ARL15: variants seen among roughly 807,000 people sequenced by gnomAD.
ARL15 encodes the protein ARF like GTPase 15.
A neutral mutation model predicts 25.2 loss-of-function variants in ARL15; 19 were observed. That is an observed-to-expected ratio of 0.75 (90% CI 0.53 to 1.10). The LOEUF (loss-of-function observed/expected upper bound fraction) is 1.10. ARL15 is among the 50% of genes least tolerant of loss of function. The pLI, the probability that ARL15 is intolerant of heterozygous loss-of-function variation, is 0.00. For synonymous variants in ARL15, 94 were observed against 86.8 expected (o/e 1.08, Z -0.46); for missense variants, 220 against 246.0 (o/e 0.89, Z 0.71).
At chr5:54,185,465 C>A (rs1362921459) in intron 1 of ARL15, among the ~76,000 whole-genome samples, 1 of 152,190 alleles carries the variant, frequency 6.6e-6, no homozygotes, top group Non-Finnish European at 1.5e-5. Flanking sequence ...CATCCATCTT[C>A]CCCCACTGGA....
At chr5:54,218,620 T>A (rs1419749607) in intron 1 of ARL15, among the ~76,000 whole-genome samples, 2 of 151,918 alleles carry the variant, frequency 1.3e-5, no homozygotes, top group Admixed American at 1.3e-4. Context: ...CCCCTTAGGG[T>A]TTAGTTGGTG....
chr5:54,018,090 A>G (rs190240807), intron 4 of ARL15, among the ~76,000 whole-genome samples: 5 of 152,320 alleles, frequency 3.3e-5, no homozygotes, highest in East Asian at 1.9e-4. Flanking sequence ...CATGTTCATC[A>G]TAGTTTTTAA....
intron 1 of ARL15, among the ~76,000 whole-genome samples, chr5:54,273,337 G>A (rs1490614429): frequency 1.3e-5 from 2 of 152,166 alleles, no homozygotes; most frequent in Admixed American, 1.3e-4. Context: ...CTCCTGCTGA[G>A]ATGCACTGAG....
Position 54,171,863 on chromosome 5 carries a change from T to C in ARL15, c.114A>G (p.Ile38Met). Residue 38 changes from isoleucine (I) to methionine (M), a missense_variant, in exon 2 of 5, where the codon ATA (isoleucine) becomes ATG (methionine). Transcript: ENST00000504924. ...PARPEYDLVC[I>M]GLTGSGKTSL... is the part of the protein sequence containing the mutation. ...TGGTTTTGCCAGAACCTGTGAGGCC[T>C]ATGCAAACCAGGTCATATTCTGGTC... 6.2e-7 allele frequency: 1 copy of C among 1,613,688 alleles called. No individual in the cohort carries two copies. Among genetic ancestry groups the C allele is most frequent in the Non-Finnish European group, 8.5e-7 (1 of 1,179,734 alleles).
chr5:53,909,924 C>T (rs1745398526), intron 4 of ARL15, among the ~76,000 whole-genome samples: 3 of 152,196 alleles, frequency 2.0e-5, no homozygotes, highest in African/African-American at 7.2e-5. Context: ...AGTATCTACT[C>T]ATGTGCCGCA....
At chr5:53,965,460 C>T (rs1747521863) in intron 4 of ARL15, among the ~76,000 whole-genome samples, 1 of 152,084 alleles carries the variant, frequency 6.6e-6, no homozygotes, top group Non-Finnish European at 1.5e-5. Flanking sequence ...TTTTTATGAG[C>T]CAAGGTTTTG....
At chr5:54,112,557 T>C (rs945633589) in intron 4 of ARL15, among the ~76,000 whole-genome samples, 5 of 152,232 alleles carry the variant, frequency 3.3e-5, no homozygotes, top group Admixed American at 3.3e-4. Context: ...TTAAAAACTA[T>C]TCACATATCT....
chr5:54,016,477 C>T (rs896538209), intron 4 of ARL15, among the ~76,000 whole-genome samples: 10 of 152,150 alleles, frequency 6.6e-5, no homozygotes, highest in African/African-American at 2.4e-4. Flanking sequence ...TCTGCTGTCA[C>T]TACCATGAAA....
At chr5:53,911,760 C>T (rs1745472169) in intron 4 of ARL15, among the ~76,000 whole-genome samples, 1 of 152,100 alleles carries the variant, frequency 6.6e-6, no homozygotes, top group Non-Finnish European at 1.5e-5. Flanking sequence ...GCTTGGCTCC[C>T]ACATATGAGT....
At chr5:54,109,394 T>C (rs901427605) in intron 4 of ARL15, among the ~76,000 whole-genome samples, 1 of 151,984 alleles carries the variant, frequency 6.6e-6, no homozygotes, top group African/African-American at 2.4e-5. Context: ...ATGACATTGC[T>C]AGAAAATATA....
intron 4 of ARL15, among the ~76,000 whole-genome samples, chr5:54,098,444 A>G (rs1454074889): frequency 6.6e-6 from 1 of 152,090 alleles, no homozygotes; most frequent in Non-Finnish European, 1.5e-5. Context: ...CAAAATGGCC[A>G]CTGTAACCCT....
At chr5:53,943,338 A>C (rs1746608216) in intron 4 of ARL15, among the ~76,000 whole-genome samples, 1 of 152,080 alleles carries the variant, frequency 6.6e-6, no homozygotes, top group Non-Finnish European at 1.5e-5. Flanking sequence ...GATGATTTTT[A>C]TTTTCTCAGG....
intron 1 of ARL15, among the ~76,000 whole-genome samples, chr5:54,265,912 C>T (rs908649977): frequency 3.3e-5 from 5 of 152,190 alleles, no homozygotes; most frequent in Non-Finnish European, 7.4e-5. Context: ...ACCTCCACCA[C>T]AACCCTGTGA....
intron 1 of ARL15, among the ~76,000 whole-genome samples, chr5:54,201,182 A>G (rs1225309175): frequency 6.6e-6 from 1 of 152,068 alleles, no homozygotes; most frequent in Non-Finnish European, 1.5e-5. Flanking sequence ...TGACTCTATA[A>G]TGAATCACTT....
rs189351898 is a variant in ARL15 at position 53,995,812 on chromosome 5, C to T, written c.463-109099G>A. Among the ~76,000 whole-genome samples, 411 of 149,998 alleles carry T rather than the reference C, an allele frequency of 2.7e-3. 2 individuals are homozygous for T. The highest frequency in any genetic ancestry group is 8.1e-3 in the African/African-American group (330 of 40,804). On this transcript the variant is annotated intron_variant, in intron 4 of 4. Transcript: ENST00000504924. ...CAGTTATAGTGATAATCAGAATATT[C>T]CCATACGTTCCCCAAAGTCCCCTAG...
chr5:54,273,353 T>C (rs1757840312), intron 1 of ARL15, among the ~76,000 whole-genome samples: 1 of 152,212 alleles, frequency 6.6e-6, no homozygotes, highest in East Asian at 1.9e-4. Flanking sequence ...CTGAGAAGGA[T>C]ACAGTGTCAC....
intron 1 of ARL15, among the ~76,000 whole-genome samples, chr5:54,244,828 A>G (rs1757048011): frequency 6.6e-6 from 1 of 152,170 alleles, no homozygotes; most frequent in Non-Finnish European, 1.5e-5. Context: ...AAGGTTAATC[A>G]TCAGCATTTA....
At chr5:54,176,013 T>C (rs1331251199) in intron 1 of ARL15, among the ~76,000 whole-genome samples, 1 of 152,148 alleles carries the variant, frequency 6.6e-6, no homozygotes, top group East Asian at 1.9e-4. Flanking sequence ...TTCAATCATA[T>C]AACCGAATGT....
At chr5:54,088,120 A>G (rs1752030365) in intron 4 of ARL15, among the ~76,000 whole-genome samples, 1 of 152,250 alleles carries the variant, frequency 6.6e-6, no homozygotes, top group Non-Finnish European at 1.5e-5. Flanking sequence ...GCCAACTAGC[A>G]TGACTGTTTC....
Sources: allele counts gnomAD v4.1 joint callset (sites outside exome capture counted in the v4.1 genomes callset), GRCh38; gene constraint gnomAD v4.1.1; transcripts MANE v1.5; gene names NCBI Gene and HGNC (gene_info 2026-07-23, HGNC 2026-07-21).